APBA2: variants seen among roughly 807,000 people sequenced by gnomAD.
APBA2 encodes the protein amyloid beta precursor protein binding family A member 2.
Under a neutral mutation model 75.0 loss-of-function variants are expected in APBA2, and 30 were observed. The observed-to-expected ratio is 0.40, with a 90% confidence interval of 0.30 to 0.54. The LOEUF (loss-of-function observed/expected upper bound fraction) is 0.54. Among genes scored for constraint, APBA2 ranks in the 20% least tolerant of loss-of-function variants. The pLI, the probability that APBA2 is intolerant of heterozygous loss-of-function variation, is 0.49. For synonymous variants in APBA2, 444 were observed against 409.6 expected (o/e 1.08, Z -1.01); for missense variants, 801 against 1,016.1 (o/e 0.79, Z 2.88).
chr15:29,025,457 C>T (rs1281547250), intron 3 of APBA2, among the ~76,000 whole-genome samples: 1 of 145,438 alleles, frequency 6.9e-6, no homozygotes, highest in African/African-American at 2.7e-5. Flanking sequence ...TTAGTAGAGA[C>T]AGGTTTTCAC....
intron 14 of APBA2, among the ~76,000 whole-genome samples, 161 bp from the exon 15 acceptor site, chr15:29,116,901 T>TAA (rs1231084228): frequency 6.6e-6 from 1 of 152,200 alleles, no homozygotes; most frequent in Non-Finnish European, 1.5e-5. Context: ...GAAGGCATCA[T>TAA]AAGTGTCCCC....
intron 2 of APBA2, among the ~76,000 whole-genome samples, chr15:28,957,043 A>G (rs2036205674): frequency 1.3e-5 from 2 of 151,624 alleles, no homozygotes; most frequent in Admixed American, 6.6e-5. Flanking sequence ...TGGGGGTACA[A>G]TCTCTTTGAG....
chr15:28,925,340 C>T (rs2034201291), intron 2 of APBA2, among the ~76,000 whole-genome samples: 1 of 152,066 alleles, frequency 6.6e-6, no homozygotes, highest in African/African-American at 2.4e-5. Flanking sequence ...ATGTCATTTT[C>T]TTATAATTTC....
chr15:29,018,432 A>G (rs957855468), intron 3 of APBA2, among the ~76,000 whole-genome samples: 1 of 152,168 alleles, frequency 6.6e-6, no homozygotes, highest in Non-Finnish European at 1.5e-5. Flanking sequence ...CCCTACAGAG[A>G]CTTCAGTGAA....
intron 11 of APBA2, 114 bp downstream of exon 11, chr15:29,105,672 A>C: frequency 8.5e-7 from 1 of 1,176,244 alleles, no homozygotes; most frequent in East Asian, 2.5e-5. Context: ...TTCCTATCAG[A>C]CTCCAGTGGG....
At chr15:29,069,614 G>C (rs1020071387) in intron 4 of APBA2, among the ~76,000 whole-genome samples, 1 of 152,232 alleles carries the variant, frequency 6.6e-6, no homozygotes, top group Non-Finnish European at 1.5e-5. Context: ...GTGTGTGTCT[G>C]TTTATACCCT....
intron 3 of APBA2, among the ~76,000 whole-genome samples, chr15:29,036,238 G>A (rs1423226642): frequency 7.7e-6 from 1 of 130,412 alleles, no homozygotes; most frequent in East Asian, 2.1e-4. Context: ...TATATTTTTT[G>A]TCTTAAAAAA....
At chr15:28,986,897 G>A (rs557778712) in intron 2 of APBA2, among the ~76,000 whole-genome samples, 1 of 152,336 alleles carries the variant, frequency 6.6e-6, no homozygotes, top group South Asian at 2.1e-4. Context: ...AGTTCTGGAT[G>A]TGGGAAGTCT....
At chr15:29,103,196 T>C (rs2044218378) in intron 10 of APBA2, among the ~76,000 whole-genome samples, 1 of 151,724 alleles carries the variant, frequency 6.6e-6, no homozygotes, top group Non-Finnish European at 1.5e-5. Context: ...CTGGTGAGAG[T>C]TTCCAAGGGG....
At position 28,925,799 on chromosome 15, in the gene APBA2, A is replaced by G. The variant is rs552351985; in HGVS notation, c.-95+4050A>G. On this transcript the variant is annotated intron_variant, in intron 2 of 14. Transcript: ENST00000683413. ...TCCACTTATAATAGTGGATTTACCA[A>G]TTTCTCATTTAGAATTAAAATTCTC... 8.7e-4 allele frequency among the ~76,000 whole-genome samples: 133 copies of G among 152,252 alleles called. 1 individual carries two copies. The highest frequency in any genetic ancestry group is 1.6e-3 in the Non-Finnish European group (108 of 68,004).
intron 1 of APBA2, among the ~76,000 whole-genome samples, chr15:28,896,761 AC>A (rs1399454848): frequency 6.6e-6 from 1 of 152,034 alleles, no homozygotes; most frequent in Non-Finnish European, 1.5e-5. Flanking sequence ...CATAAAACCC[AC>A]CCATATTTGT....
At chr15:29,098,661 A>G (rs930858628) in intron 9 of APBA2, 85 bp downstream of exon 9, 4 of 1,124,134 alleles carry the variant, frequency 3.6e-6, no homozygotes, top group African/African-American at 1.5e-5. Context: ...CCTCGTTCTC[A>G]GCAGCTTCTC....
intron 3 of APBA2, among the ~76,000 whole-genome samples, chr15:29,018,661 A>G (rs1173200732): frequency 1.3e-5 from 2 of 152,200 alleles, no homozygotes; most frequent in African/African-American, 4.8e-5. Flanking sequence ...CTTTGAGGCC[A>G]GGTAACTTGG....
intron 4 of APBA2, among the ~76,000 whole-genome samples, chr15:29,055,757 C>T (rs189035078): frequency 1.3e-5 from 2 of 149,766 alleles, no homozygotes; most frequent in Non-Finnish European, 3.0e-5. Context: ...ATTTTCAGCA[C>T]TTATATTTTA....
chr15:29,055,673 G>GTA (rs1330348598), intron 4 of APBA2, among the ~76,000 whole-genome samples: 2 of 95,868 alleles, frequency 2.1e-5, no homozygotes, highest in East Asian at 4.6e-4. Flanking sequence ...ATTTGAGTGT[G>GTA]TGTGTGTGTG....
At chr15:28,898,770 C>A (rs555753315) in intron 1 of APBA2, among the ~76,000 whole-genome samples, 98 of 152,288 alleles carry the variant, frequency 6.4e-4, no homozygotes, top group Non-Finnish European at 1.2e-4. Context: ...TGAGTCATGG[C>A]TTCTTCTACT....
intron 2 of APBA2, among the ~76,000 whole-genome samples, chr15:28,925,714 A>T (rs2152679557): frequency 6.6e-6 from 1 of 152,284 alleles, no homozygotes; most frequent in Non-Finnish European, 1.5e-5. Flanking sequence ...TATTCAAGTG[A>T]ACTGTCCTTG....
chr15:28,999,405 A>G (rs528032461), intron 3 of APBA2, among the ~76,000 whole-genome samples: 2 of 152,244 alleles, frequency 1.3e-5, no homozygotes, highest in Non-Finnish European at 2.9e-5. Context: ...AGACAATAGA[A>G]TTGAAAAATG....
intron 4 of APBA2, among the ~76,000 whole-genome samples, chr15:29,074,600 C>T (rs1039584787): frequency 2.0e-5 from 3 of 152,006 alleles, no homozygotes; most frequent in African/African-American, 4.8e-5. Context: ...CATGGTTGTA[C>T]GACAGTGTGA....
Sources: allele counts gnomAD v4.1 joint callset (sites outside exome capture counted in the v4.1 genomes callset), GRCh38; gene constraint gnomAD v4.1.1; transcripts MANE v1.5; gene names NCBI Gene and HGNC (gene_info 2026-07-23, HGNC 2026-07-21).